EPB41: variants seen among roughly 807,000 people sequenced by gnomAD.
EPB41 encodes the protein protein 4.1.
A neutral mutation model predicts 108.0 loss-of-function variants in EPB41; 65 were observed. The ratio of observed to expected loss-of-function variants is 0.60; its 90% CI spans 0.49 to 0.74. The LOEUF (loss-of-function observed/expected upper bound fraction) is 0.74, where lower values mean the gene tolerates loss of function less well. Among genes scored for constraint, EPB41 ranks in the 30% least tolerant of loss-of-function variants. EPB41 has a pLI of 0.00. For missense variants in EPB41, 875 were observed against 1,037.0 expected (o/e 0.84, Z 2.15); for synonymous variants, 336 against 358.9 (o/e 0.94, Z 0.72).
At position 29,011,904 on chromosome 1, in the gene EPB41, C is replaced by T. The variant is rs144897337; in HGVS notation, c.826C>T (p.Arg276Cys). ...DSAKEIKKQV[R>C]GVPWNFTFNV... The stretch of plus-strand genomic sequence containing the variant: ...CGCCAAAGAAATAAAAAAGCAGGTT[C>T]GTGGTAAGTGGATATAGCTCTTTTT... Residue 276 changes from arginine (R) to cysteine (C), a missense_variant, in exon 5 of 21, where the codon CGT (arginine) becomes TGT (cysteine). This residue lies in a region of EPB41 where 353 missense variants were observed against 393.2 expected (regional missense o/e 0.90). Coordinates refer to ENST00000343067, the MANE Select transcript of EPB41 (RefSeq NM_001376013.1). The T allele has an allele frequency of 1.5e-4, 235 of 1,614,000 alleles. No individual in the cohort carries two copies. Among genetic ancestry groups the T allele is most frequent in the Middle Eastern group, 3.3e-4 (2 of 6,062 alleles).
intron 15 of EPB41, 75 bp downstream of exon 15, chr1:29,060,559 C>A: frequency 1.5e-6 from 2 of 1,345,840 alleles, no homozygotes; most frequent in Non-Finnish European, 2.1e-6. Flanking sequence ...CCCTTTTCTT[C>A]ATTCTGTGCT....
rs145621234 is a variant in EPB41 at position 28,917,246 on chromosome 1, C to G, written c.-8+2478C>G. On this transcript the variant is annotated intron_variant, in intron 1 of 20. Transcript: ENST00000343067. ...ATAACCCTTGCTTTGCCATCTCTCT[C>G]TCTGTGTGTGTGTGTGTGTGTATGT... Among the ~76,000 whole-genome samples the G allele has an allele frequency of 6.6e-3, 1,003 of 151,634 alleles. 11 individuals carry two copies. The highest frequency in any genetic ancestry group is 0.015 in the African/African-American group (612 of 41,248).
chr1:29,082,853 ATT>A (rs1657300466), intron 16 of EPB41, among the ~76,000 whole-genome samples: 1 of 152,210 alleles, frequency 6.6e-6, no homozygotes. Context: ...ACGTTCACCT[ATT>A]CTGGGGATAA....
At chr1:29,070,771 A>G in intron 16 of EPB41, 5 of 1,127,414 alleles carry the variant, frequency 4.4e-6, no homozygotes, top group Non-Finnish European at 5.6e-6. Flanking sequence ...TACTCTTTGT[A>G]GAGTATGTAT....
chr1:28,895,560 G>A (rs1417470491), intron 1 of EPB41, among the ~76,000 whole-genome samples: 1 of 152,030 alleles, frequency 6.6e-6, no homozygotes, highest in African/African-American at 2.4e-5. Context: ...TGCCATCTCG[G>A]CTCACTGCAA....
rs1671113991 is a variant in EPB41, at chr1:29,116,875, T to TA, written c.*66dup. On this transcript the variant is annotated 3_prime_UTR_variant, in exon 21 of 21. Transcript: ENST00000343067. Reference sequence around the variant, plus strand: ...CATCCAAGAGAAACCAGCAAAATGATAAAGAAGCTAACCTGCCATAGTCAG... The same window carrying TA: ...CATCCAAGAGAAACCAGCAAAATGATAAAAGAAGCTAACCTGCCATAGTCAG... 2.0e-5 allele frequency: 3 copies of TA among 152,216 alleles called. No individual in the cohort carries two copies. Among genetic ancestry groups the TA allele is most frequent in the Non-Finnish European group, 4.4e-5 (3 of 68,024 alleles). The allele number at this position is 152,216 out of a possible 1,614,324, so 9.4% of individuals were successfully genotyped here. A position where few individuals can be genotyped will look rare whatever the true frequency, so the allele number is the denominator to read the frequency against.
chr1:28,903,580 C>T (rs369539287), intron 1 of EPB41, among the ~76,000 whole-genome samples: 1 of 151,996 alleles, frequency 6.6e-6, no homozygotes, highest in Non-Finnish European at 1.5e-5. Context: ...CTCAGCCTCC[C>T]AAAGTGCTGG....
At chr1:28,911,729 G>C (rs2092265595), upstream of EPB41, among the ~76,000 whole-genome samples, 1 of 152,194 alleles carries the variant, frequency 6.6e-6, no homozygotes, top group South Asian at 2.1e-4. Flanking sequence ...GAGGACTTGA[G>C]GCAGGAGACC....
At chr1:29,017,293 A>G (rs534473517) in intron 6 of EPB41, among the ~76,000 whole-genome samples, 2 of 152,350 alleles carry the variant, frequency 1.3e-5, no homozygotes, top group Admixed American at 6.5e-5. Context: ...GTTATTTAAT[A>G]TCTTATAATA....
chr1:29,058,770 T>C, intron 13 of EPB41, 41 bp from the exon 14 acceptor site: 1 of 1,534,850 alleles, frequency 6.5e-7, no homozygotes, highest in Non-Finnish European at 8.8e-7. Context: ...ATGAGCAACA[T>C]TTTATCATTT....
At chr1:28,969,670 C>T (rs912780616) in intron 1 of EPB41, among the ~76,000 whole-genome samples, 12 of 151,890 alleles carry the variant, frequency 7.9e-5, no homozygotes, top group South Asian at 2.1e-4. Flanking sequence ...TAGGCTGAGG[C>T]GGGCGGATCA....
intron 1 of EPB41, among the ~76,000 whole-genome samples, chr1:28,924,742 A>G (rs2093342061): frequency 6.6e-6 from 1 of 152,212 alleles, no homozygotes; most frequent in Admixed American, 6.5e-5. Context: ...ACAAGGCACT[A>G]TCATAAGTAC....
At chr1:28,989,612 A>G (rs959237229) in intron 2 of EPB41, among the ~76,000 whole-genome samples, 1 of 152,214 alleles carries the variant, frequency 6.6e-6, no homozygotes, top group African/African-American at 2.4e-5. Flanking sequence ...AATTTAGGAT[A>G]AAATTATAAT....
At chr1:28,889,447 T>C (rs557167335) in intron 1 of EPB41, among the ~76,000 whole-genome samples, 5 of 152,340 alleles carry the variant, frequency 3.3e-5, no homozygotes, top group African/African-American at 1.2e-4. Context: ...CTCCCTCCTG[T>C]AGGCTCCAGG....
At chr1:28,971,365 G>A (rs1457092161) in intron 1 of EPB41, among the ~76,000 whole-genome samples, 1 of 151,582 alleles carries the variant, frequency 6.6e-6, no homozygotes, top group Non-Finnish European at 1.5e-5. Context: ...TGTATTTTTA[G>A]TAGAGACTGG....
At chr1:29,061,517 C>T (rs1220399403) in intron 15 of EPB41, among the ~76,000 whole-genome samples, 1 of 150,994 alleles carries the variant, frequency 6.6e-6, no homozygotes, top group Non-Finnish European at 1.5e-5. Context: ...GATTCGCCCA[C>T]CTTGGCCTCC....
intron 1 of EPB41, among the ~76,000 whole-genome samples, chr1:28,921,961 T>TACATATATATATATATATATATAC (rs2093122351): frequency 9.1e-6 from 1 of 109,922 alleles, no homozygotes; most frequent in Admixed American, 1.1e-4. Context: ...TATATATATA[T>TACATATATATATATATATATATAC]ACACTTTTTT....
intron 6 of EPB41, among the ~76,000 whole-genome samples, chr1:29,017,379 A>C (rs1334561846): frequency 1.3e-5 from 2 of 152,178 alleles, no homozygotes; most frequent in Non-Finnish European, 2.9e-5. Flanking sequence ...AAACTGTCTG[A>C]ATTGGTGAAC....
At position 29,053,111 on chromosome 1, in the gene EPB41, T is replaced by C; in HGVS notation, c.1644T>C (p.Ala548=). Residue 548 remains alanine, a synonymous_variant, in exon 12 of 21, where the codon GCT becomes GCC. Coordinates refer to ENST00000343067, the MANE Select transcript of EPB41 (RefSeq NM_001376013.1). ...RASRSLDGAA[A]VDSADRSPRP... is the part of the protein sequence containing the mutation. ...TTTCCCTTTCTCACATAGCAGCAGC[T>C]GTCGATTCGGCAGACCGAAGTCCTC... 2 of 1,614,076 alleles carry C rather than the reference T, an allele frequency of 1.2e-6. No individual in the cohort carries two copies. The highest frequency in any genetic ancestry group is 1.7e-6 in the Non-Finnish European group (2 of 1,180,050).
Sources: gnomAD v4.1 joint callset for allele counts (sites outside exome capture counted in the v4.1 genomes callset) on GRCh38, gnomAD v4.1.1 for gene constraint, gnomAD v4.1.1 regional missense constraint, MANE v1.5 for transcripts, NCBI Gene and HGNC (gene_info 2026-07-23, HGNC 2026-07-21) for gene names.